PGK1: variants seen among roughly 807,000 people sequenced by gnomAD.
The protein encoded by PGK1 is PRP 2.
In PGK1, 3 loss-of-function variants were observed where a neutral mutation model predicts 26.9. That is an observed-to-expected ratio of 0.11 (90% CI 0.05 to 0.29). The LOEUF (loss-of-function observed/expected upper bound fraction) is 0.29. PGK1 is among the 10% of genes least tolerant of loss of function. The pLI is 1.00. For missense variants in PGK1, 270 were observed against 314.7 expected (o/e 0.86, Z 1.07); for synonymous variants, 125 against 115.3 (o/e 1.08, Z -0.54).
At chrX:78,108,644 C>T (rs1557246519) in intron 1 of PGK1, among the ~76,000 whole-genome samples, 1 of 111,338 alleles carries the variant, frequency 9.0e-6, no homozygotes, top group African/African-American at 3.3e-5. Context: ...ATTGCCTTAG[C>T]CTTAGAGAGG....
intron 6 of PGK1, among the ~76,000 whole-genome samples, chrX:78,118,931 C>T (rs2078339946): frequency 9.0e-6 from 1 of 111,609 alleles, no homozygotes; most frequent in South Asian, 3.7e-4. Context: ...AGCCAGAGCG[C>T]AAGAAAGCTC....
intron 6 of PGK1, among the ~76,000 whole-genome samples, chrX:78,121,608 C>CA (rs782540489): frequency 8.9e-6 from 1 of 112,614 alleles, no homozygotes; most frequent in East Asian, 2.8e-4. Flanking sequence ...AAGAAGGAAA[C>CA]AGACACAAGG....
intron 1 of PGK1, among the ~76,000 whole-genome samples, chrX:78,104,976 C>T (rs1339818297): frequency 8.9e-6 from 1 of 112,292 alleles, no homozygotes; most frequent in African/African-American, 3.2e-5. Context: ...GGAGGCCCTG[C>T]AGAGCTTACG....
In PGK1 at chrX:78,109,927, C is replaced by T. The variant is rs2078291838; in HGVS notation, c.116+10C>T. On this transcript the variant is annotated intron_variant, in intron 2 of 10. Transcript: ENST00000373316. Reference sequence around the variant, plus strand: ...TAACAAACAACCAGAGGTAAGGTCCCTGCTAATCCTTGGGCTGGGTTTAAG... The same window carrying T: ...TAACAAACAACCAGAGGTAAGGTCCTTGCTAATCCTTGGGCTGGGTTTAAG... 2 of 1,137,674 alleles carry T rather than the reference C, an allele frequency of 1.8e-6. No homozygotes were observed. The highest frequency in any genetic ancestry group is 1.2e-6 in the Non-Finnish European group (1 of 828,032). The allele number at this position is 1,137,674 out of a possible 1,213,427, so 93.8% of individuals were successfully genotyped here.
Position 78,104,266 on chromosome X carries a change from C to A in PGK1, c.-75C>A. On this transcript the variant is annotated 5_prime_UTR_variant, in exon 1 of 11. Coordinates refer to ENST00000373316, the MANE Select transcript of PGK1 (RefSeq NM_000291.4). ...GCGCGGTGTTCCGCATTCTGCAAGC[C>A]TCCGGAGCGCACGTCGGCAGTCGGC... 1 of 781,578 alleles carries A rather than the reference C, an allele frequency of 1.3e-6. No homozygotes were observed. Among genetic ancestry groups the A allele is most frequent in the Non-Finnish European group, 2.0e-6 (1 of 508,957 alleles). 64.4% of individuals were successfully genotyped at this position (781,578 alleles called of 1,213,427 possible). A position where few individuals can be genotyped will look rare whatever the true frequency, so the allele number is the denominator to read the frequency against.
intron 2 of PGK1, 74 bp from the exon 3 acceptor site, chrX:78,113,670 G>A: frequency 1.1e-6 from 1 of 928,584 alleles, no homozygotes. Context: ...TGCTTTATGA[G>A]GTTATCAATA....
chrX:78,110,947 CTTT>C (rs1433728616), intron 2 of PGK1, among the ~76,000 whole-genome samples: 1 of 104,114 alleles, frequency 9.6e-6, no homozygotes, highest in African/African-American at 3.5e-5. Context: ...TCTTTACTTT[CTTT>C]TTAATTTTTT....
intron 6 of PGK1, among the ~76,000 whole-genome samples, chrX:78,122,409 T>TTGTGTGTGTGTG (rs201442984): frequency 7.4e-4 from 66 of 88,959 alleles, no homozygotes; most frequent in African/African-American, 2.8e-3. Flanking sequence ...TGCTCTGAAT[T>TTGTGTGTGTGTG]TGTGTGTGTG....
intron 4 of PGK1, among the ~76,000 whole-genome samples, chrX:78,116,874 T>C (rs999713622): frequency 1.9e-4 from 21 of 111,786 alleles, no homozygotes; most frequent in African/African-American, 6.8e-4. Flanking sequence ...TTATGAGGAA[T>C]ATGTGTGAGA....
intron 1 of PGK1, among the ~76,000 whole-genome samples, chrX:78,108,657 G>C (rs960559968): frequency 1.1e-4 from 12 of 111,623 alleles, no homozygotes; most frequent in Non-Finnish European, 2.3e-4. Flanking sequence ...TAGAGAGGAA[G>C]GGGTATTTAA....
intron 1 of PGK1, 55 bp downstream of exon 1, chrX:78,104,460 G>A: frequency 2.1e-6 from 2 of 938,594 alleles, no homozygotes; most frequent in Non-Finnish European, 3.1e-6. Flanking sequence ...AACCTCTTTG[G>A]CCGGAGCCGA....
intron 8 of PGK1, among the ~76,000 whole-genome samples, chrX:78,124,428 A>C (rs1557248407): frequency 3.6e-5 from 4 of 111,128 alleles, no homozygotes; most frequent in Non-Finnish European, 1.9e-5. Flanking sequence ...GATCTAGTTT[A>C]CTGTCATTCC....
At chrX:78,104,529 G>C (rs35333841) in intron 1 of PGK1, 124 bp downstream of exon 1, 3 of 573,987 alleles carry the variant, frequency 5.2e-6, no homozygotes, top group Non-Finnish European at 8.9e-6. Flanking sequence ...AGGGGTCCTA[G>C]GCTTGGAGGG....
chrX:78,119,400 T>C lies in PGK1; in HGVS notation c.641+1230T>C, dbSNP rs183479639. Among the ~76,000 whole-genome samples the C allele has an allele frequency of 7.2e-5, 8 of 111,496 alleles. No homozygotes were observed. In the East Asian group the frequency reaches 2.2e-3, roughly 31 times the overall value. On this transcript the variant is annotated intron_variant, in intron 6 of 10. Coordinates refer to ENST00000373316, the MANE Select transcript of PGK1 (RefSeq NM_000291.4). ...GCACTGCTTGGATAAGACAATTTCC[T>C]GTGACTTGGTGTGGTGATCTAGGTA...
chrX:78,118,572 G>A (rs1005170702), intron 6 of PGK1, among the ~76,000 whole-genome samples: 1 of 109,386 alleles, frequency 9.1e-6, no homozygotes, highest in Non-Finnish European at 1.9e-5. Flanking sequence ...GAGCAAGACC[G>A]TTTCTAAATA....
intron 7 of PGK1, 41 bp from the exon 8 acceptor site, chrX:78,123,154 G>A (rs1265667513): frequency 5.7e-6 from 6 of 1,060,227 alleles, no homozygotes; most frequent in Admixed American, 4.4e-5. Flanking sequence ...CTTGTTCTTA[G>A]TATAGATGCT....
At position 78,113,917 on chromosome X, in the gene PGK1, G is replaced by T; in HGVS notation, c.272+18G>T. ...CTGGGCAAGTAAGTGCCAGGCTCTG[G>T]TGCTGGTAGACTTTGTGGCGGGGGA... On this transcript the variant is annotated intron_variant, in intron 3 of 10. Coordinates refer to ENST00000373316, the MANE Select transcript of PGK1 (RefSeq NM_000291.4). The T allele has an allele frequency of 8.3e-7, 1 of 1,210,744 alleles. No homozygotes were observed. The highest frequency in any genetic ancestry group is 1.7e-5 in the African/African-American group (1 of 57,824).
chrX:78,115,207 G>A (rs1035831083), intron 4 of PGK1, among the ~76,000 whole-genome samples: 1 of 111,726 alleles, frequency 9.0e-6, no homozygotes, highest in Non-Finnish European at 1.9e-5. Flanking sequence ...GAAGTGGCAG[G>A]AGGCAAAGGG....
At chrX:78,108,832 A>G (rs912147144) in intron 1 of PGK1, among the ~76,000 whole-genome samples, 1 of 112,030 alleles carries the variant, frequency 8.9e-6, no homozygotes, top group Non-Finnish European at 1.9e-5. Context: ...ACATATAACA[A>G]CAACACTTTT....
Sources: allele counts gnomAD v4.1 joint callset (sites outside exome capture counted in the v4.1 genomes callset), GRCh38; gene constraint gnomAD v4.1.1; transcripts MANE v1.5; gene names NCBI Gene and HGNC (gene_info 2026-07-23, HGNC 2026-07-21).